GALNT14: variants seen among roughly 807,000 people sequenced by gnomAD.
The protein encoded by GALNT14 is UDP-GalNAc:polypeptide N-acetylgalactosaminyltransferase 14.
Under a neutral mutation model 77.5 loss-of-function variants are expected in GALNT14, and 60 were observed. The ratio of observed to expected loss-of-function variants is 0.77; its 90% CI spans 0.63 to 0.96. The LOEUF (loss-of-function observed/expected upper bound fraction) is 0.96, where lower values mean the gene tolerates loss of function less well. Ranked by LOEUF, GALNT14 falls within the 40% of genes least tolerant of loss-of-function variation. The pLI is 0.00. For missense variants in GALNT14, 710 were observed against 731.0 expected, an observed-to-expected ratio of 0.97 and a Z score of 0.33; for synonymous variants, 280 against 281.7, an observed-to-expected ratio of 0.99 and a Z score of 0.06.
At chr2:31,054,991 C>T (rs1384216597) in intron 1 of GALNT14, among the ~76,000 whole-genome samples, 1 of 152,152 alleles carries the variant, frequency 6.6e-6, no homozygotes, top group Non-Finnish European at 1.5e-5. Context: ...TCCTGGGTGG[C>T]TAGGCTGAGG....
intron 1 of GALNT14, among the ~76,000 whole-genome samples, chr2:31,062,386 T>C (rs1438448698): frequency 6.6e-6 from 1 of 152,190 alleles, no homozygotes; most frequent in African/African-American, 2.4e-5. Flanking sequence ...ACAAAGAACA[T>C]GAGCTTATTC....
chr2:31,057,692 C>T (rs1372996585), intron 1 of GALNT14, among the ~76,000 whole-genome samples: 2 of 152,092 alleles, frequency 1.3e-5, no homozygotes, highest in Non-Finnish European at 2.9e-5. Context: ...AGTGAGATGG[C>T]AATGGGCCCA....
chr2:31,137,511 C>G (rs1679276650), intron 1 of GALNT14, among the ~76,000 whole-genome samples: 1 of 152,146 alleles, frequency 6.6e-6, no homozygotes. Flanking sequence ...GCGGCGCACC[C>G]GGCCTCCGGC....
chr2:31,093,529 T>C (rs1044092573), intron 1 of GALNT14, among the ~76,000 whole-genome samples: 4 of 152,188 alleles, frequency 2.6e-5, no homozygotes, highest in South Asian at 2.1e-4. Flanking sequence ...TGAGAGGCAG[T>C]GTCTGGGGAG....
At chr2:31,007,052 G>C (rs1429722689) in intron 1 of GALNT14, among the ~76,000 whole-genome samples, 1 of 152,192 alleles carries the variant, frequency 6.6e-6, no homozygotes, top group Non-Finnish European at 1.5e-5. Context: ...GAATGACTTT[G>C]AAACGACTTT....
intron 1 of GALNT14, among the ~76,000 whole-genome samples, chr2:31,029,070 C>T (rs900046048): frequency 6.6e-6 from 1 of 152,142 alleles, no homozygotes; most frequent in Non-Finnish European, 1.5e-5. Context: ...CTGCCCCACC[C>T]AACAAGAACT....
chr2:31,119,503 T>C (rs994575420), intron 1 of GALNT14, among the ~76,000 whole-genome samples: 1 of 152,156 alleles, frequency 6.6e-6, no homozygotes, highest in Admixed American at 6.5e-5. Flanking sequence ...AAAATTACAA[T>C]TGGATCCCGT....
Position 31,002,394 on chromosome 2 carries a change from C to T in GALNT14, c.130-9387G>A, listed in dbSNP as rs778478730. The stretch of plus-strand genomic sequence containing the variant: ...GAAGTGAGCCGAGTTCATGCCACTG[C>T]GCTCCAACCTGGGTGACAGAGTGAG... On this transcript the variant is annotated intron_variant, in intron 1 of 14. Coordinates refer to ENST00000349752, the MANE Select transcript of GALNT14 (RefSeq NM_024572.4). 8.6e-4 allele frequency among the ~76,000 whole-genome samples: 130 copies of T among 151,696 alleles called. 3 individuals carry two copies. Among genetic ancestry groups the T allele is most frequent in the Non-Finnish European group, 2.4e-4 (16 of 67,976 alleles).
At chr2:30,945,970 T>C (rs1666671029) in intron 6 of GALNT14, 100 bp from the exon 7 acceptor site, 3 of 926,426 alleles carry the variant, frequency 3.2e-6, no homozygotes, top group African/African-American at 3.3e-5. Flanking sequence ...GAGATGAGTT[T>C]TGTGGCCTTC....
At chr2:30,949,291 G>A (rs1387358140) in intron 6 of GALNT14, among the ~76,000 whole-genome samples, 1 of 152,128 alleles carries the variant, frequency 6.6e-6, no homozygotes, top group African/African-American at 2.4e-5. Flanking sequence ...CTCCCTCTAA[G>A]GACATTGTGT....
chr2:30,965,863 C>T (rs1001233323), intron 3 of GALNT14, among the ~76,000 whole-genome samples: 6 of 152,228 alleles, frequency 3.9e-5, no homozygotes, highest in African/African-American at 1.4e-4. Context: ...AGGGCCTCAG[C>T]CCCTTCCTCA....
At chr2:30,954,791 G>A (rs1346972662) in intron 6 of GALNT14, among the ~76,000 whole-genome samples, 1 of 152,210 alleles carries the variant, frequency 6.6e-6, no homozygotes, top group Non-Finnish European at 1.5e-5. Context: ...GGTGCTGGTG[G>A]TACCAAGTAG....
chr2:30,922,334 G>A (rs1171033695), intron 13 of GALNT14, among the ~76,000 whole-genome samples: 1 of 152,210 alleles, frequency 6.6e-6, no homozygotes, highest in East Asian at 1.9e-4. Flanking sequence ...TTCAGCACCT[G>A]CAAATCTGCA....
chr2:30,961,015 T>G (rs1327540540), intron 3 of GALNT14, among the ~76,000 whole-genome samples: 2 of 152,240 alleles, frequency 1.3e-5, no homozygotes, highest in African/African-American at 4.8e-5. Flanking sequence ...CTTCTACACC[T>G]GCTGCACCCT....
chr2:31,006,910 G>C (rs932937134), intron 1 of GALNT14, among the ~76,000 whole-genome samples: 10 of 152,200 alleles, frequency 6.6e-5, no homozygotes, highest in Non-Finnish European at 1.0e-4. Context: ...GATCTCCCCA[G>C]ATAGTATGTA....
chr2:31,056,491 A>G (rs78902140), intron 1 of GALNT14, among the ~76,000 whole-genome samples: 3,534 of 152,174 alleles, frequency 0.023, 134 homozygotes, highest in African/African-American at 0.08. Context: ...AGACATTATG[A>G]CCCAGATCAC....
At chr2:31,003,549 TTC>T (rs959928807) in intron 1 of GALNT14, among the ~76,000 whole-genome samples, 5 of 152,046 alleles carry the variant, frequency 3.3e-5, no homozygotes, top group African/African-American at 4.8e-5. Flanking sequence ...TCCATTTGAT[TTC>T]TCTCTCATTT....
chr2:30,915,010 A>G (rs1269863010), intron 13 of GALNT14, among the ~76,000 whole-genome samples: 1 of 152,250 alleles, frequency 6.6e-6, no homozygotes, highest in Non-Finnish European at 1.5e-5. Flanking sequence ...TTACCTGACT[A>G]TAGAGTCTGT....
chr2:31,041,952 C>T (rs1339319537), intron 1 of GALNT14, among the ~76,000 whole-genome samples: 2 of 151,992 alleles, frequency 1.3e-5, no homozygotes, highest in Non-Finnish European at 2.9e-5. Context: ...CTGGGTAAAA[C>T]AGGAAGCACA....
Sources: gnomAD v4.1 joint callset for allele counts (sites outside exome capture counted in the v4.1 genomes callset) on GRCh38, gnomAD v4.1.1 for gene constraint, MANE v1.5 for transcripts, NCBI Gene and HGNC (gene_info 2026-07-23, HGNC 2026-07-21) for gene names.